The following KDM4C variants were observed in gnomAD, a reference collection of about 807,000 sequenced individuals.
The protein encoded by KDM4C is lysine demethylase 4C, also known as lysine-specific demethylase 4C.
KDM4C carries 81 observed loss-of-function variants against 129.3 expected under a neutral mutation model. That is an observed-to-expected ratio of 0.63 (90% CI 0.52 to 0.75). KDM4C has a LOEUF of 0.75. KDM4C is among the 30% of genes least tolerant of loss of function. KDM4C has a pLI of 0.00. For synonymous variants in KDM4C, 573 were observed against 456.1 expected, an observed-to-expected ratio of 1.26 and a Z score of -3.26; for missense variants, 1,457 against 1,304.0, an observed-to-expected ratio of 1.12 and a Z score of -1.81.
At chr9:7,118,661 A>C (rs759062448) in intron 18 of KDM4C, among the ~76,000 whole-genome samples, 11 of 152,220 alleles carry the variant, frequency 7.2e-5, no homozygotes, top group Non-Finnish European at 1.2e-4. Context: ...GTACAAATGG[A>C]AACCTGCTCT....
At chr9:6,771,719 T>C (rs1821882552) in intron 1 of KDM4C, among the ~76,000 whole-genome samples, 1 of 152,190 alleles carries the variant, frequency 6.6e-6, no homozygotes, top group African/African-American at 2.4e-5. Flanking sequence ...GATAATCTCA[T>C]AAAAGTCACA....
At chr9:6,920,134 A>G (rs1821207323) in intron 8 of KDM4C, among the ~76,000 whole-genome samples, 1 of 151,996 alleles carries the variant, frequency 6.6e-6, no homozygotes, top group African/African-American at 2.4e-5. Flanking sequence ...TTTATGGACA[A>G]TTTGGTGGGC....
chr9:6,990,199 G>T (rs1469134799), intron 11 of KDM4C, among the ~76,000 whole-genome samples: 1 of 152,234 alleles, frequency 6.6e-6, no homozygotes, highest in Non-Finnish European at 1.5e-5. Context: ...AGTGGAAGAA[G>T]AATTAATTGA....
intron 2 of KDM4C, among the ~76,000 whole-genome samples, chr9:6,798,665 C>T (rs1417036230): frequency 6.6e-6 from 1 of 152,202 alleles, no homozygotes; most frequent in Non-Finnish European, 1.5e-5. Context: ...AGCAACCATC[C>T]GATTTCTCAG....
intron 17 of KDM4C, among the ~76,000 whole-genome samples, chr9:7,059,654 T>A (rs1831341914): frequency 6.6e-6 from 1 of 152,202 alleles, no homozygotes; most frequent in South Asian, 2.1e-4. Flanking sequence ...CCACATAGTC[T>A]TCATATACTT....
intron 4 of KDM4C, among the ~76,000 whole-genome samples, chr9:6,836,386 A>G (rs145752480): frequency 3.0e-4 from 45 of 152,332 alleles, no homozygotes; most frequent in Non-Finnish European, 5.6e-4. Flanking sequence ...AAATAAATAA[A>G]TAAATCAGCT....
chr9:7,122,481 C>G (rs543792762), intron 18 of KDM4C, among the ~76,000 whole-genome samples: 1 of 152,100 alleles, frequency 6.6e-6, no homozygotes, highest in Non-Finnish European at 1.5e-5. Context: ...GAGCACTGCT[C>G]TAGACTACTT....
chr9:6,805,611 A>G lies in KDM4C; in HGVS notation c.157A>G (p.Lys53Glu), dbSNP rs1160750203. ...RAGLAKVIPP[K>E]EWKPRQCYDD... The stretch of plus-strand genomic sequence containing the variant: ...ATTTTATTTTTAGGTGATTCCTCCT[A>G]AGGAGTGGAAGCCAAGACAGTGCTA... Residue 53 changes from lysine to glutamate, a missense_variant, in exon 3 of 22, where the codon AAG (lysine) becomes GAG (glutamate). Coordinates refer to ENST00000381309, the MANE Select transcript of KDM4C (RefSeq NM_015061.6). 2 of 1,607,510 alleles carry G rather than the reference A, an allele frequency of 1.2e-6. No homozygotes were observed. The highest frequency in any genetic ancestry group is 2.2e-5 in the South Asian group (2 of 88,942).
rs933286831 is a variant in KDM4C at position 6,912,131 on chromosome 9, C to T, written c.921+18899C>T. Among the ~76,000 whole-genome samples, 8 of 152,254 alleles carry T rather than the reference C, an allele frequency of 5.3e-5. No homozygotes were observed. In the South Asian group the frequency reaches 1.5e-3, roughly 28 times the overall value. On this transcript the variant is annotated intron_variant, in intron 8 of 21. Transcript: ENST00000381309. ...AGGTGCAGGCAGAGCCAGGGAGGGG[C>T]CTTCATGGTGCCTTGCTGTTTCTGG...
intron 8 of KDM4C, among the ~76,000 whole-genome samples, chr9:6,895,776 A>G (rs1026964861): frequency 2.0e-5 from 3 of 152,216 alleles, no homozygotes; most frequent in Non-Finnish European, 4.4e-5. Context: ...GAATATTTTG[A>G]GTTATGTAAC....
At chr9:6,925,894 G>GT (rs1563824261) in intron 8 of KDM4C, among the ~76,000 whole-genome samples, 1 of 152,098 alleles carries the variant, frequency 6.6e-6, no homozygotes, top group African/African-American at 2.4e-5. Flanking sequence ...AAAAAATTCT[G>GT]TTTTTTATCT....
intron 2 of KDM4C, among the ~76,000 whole-genome samples, chr9:6,793,991 T>A (rs1457574220): frequency 1.3e-5 from 2 of 152,240 alleles, no homozygotes; most frequent in Non-Finnish European, 2.9e-5. Context: ...AACATTTTCA[T>A]CATCCCCCAA....
intron 8 of KDM4C, among the ~76,000 whole-genome samples, chr9:6,926,506 T>C (rs1364321210): frequency 2.0e-5 from 3 of 152,216 alleles, no homozygotes; most frequent in Non-Finnish European, 2.9e-5. Flanking sequence ...GATTGGCTTA[T>C]AGCAGCAAGC....
At chr9:6,739,198 G>A (rs1364128291) in intron 1 of KDM4C, among the ~76,000 whole-genome samples, 1 of 151,800 alleles carries the variant, frequency 6.6e-6, no homozygotes, top group Non-Finnish European at 1.5e-5. Context: ...TCAGCTTCCC[G>A]AGTAGCTGGG....
intron 4 of KDM4C, among the ~76,000 whole-genome samples, chr9:6,833,065 A>G (rs1371068887): frequency 1.3e-5 from 2 of 151,616 alleles, no homozygotes; most frequent in Non-Finnish European, 2.9e-5. Flanking sequence ...TGTGTTTTAA[A>G]TTTTTCATAT....
At chr9:7,018,055 A>G (rs1325515779) in intron 15 of KDM4C, among the ~76,000 whole-genome samples, 1 of 152,224 alleles carries the variant, frequency 6.6e-6, no homozygotes, top group African/African-American at 2.4e-5. Context: ...TGGTACAGGT[A>G]TGCATTACTT....
At chr9:6,846,181 G>A (rs918881217) in intron 4 of KDM4C, among the ~76,000 whole-genome samples, 3 of 152,184 alleles carry the variant, frequency 2.0e-5, no homozygotes, top group African/African-American at 7.2e-5. Flanking sequence ...GTTGTGTTTT[G>A]AAAGGATCAG....
intron 17 of KDM4C, among the ~76,000 whole-genome samples, chr9:7,084,611 C>T (rs570226631): frequency 4.6e-5 from 7 of 152,118 alleles, no homozygotes; most frequent in Non-Finnish European, 7.4e-5. Flanking sequence ...TTAAACAATC[C>T]GTCCATTTAG....
intron 12 of KDM4C, among the ~76,000 whole-genome samples, chr9:7,008,247 C>T (rs111486530): frequency 3.3e-5 from 5 of 152,262 alleles, no homozygotes; most frequent in African/African-American, 9.6e-5. Flanking sequence ...ACAGTCCCAC[C>T]GCCCTGGATT....
Sources: allele counts gnomAD v4.1 joint callset (sites outside exome capture counted in the v4.1 genomes callset), GRCh38; gene constraint gnomAD v4.1.1; transcripts MANE v1.5; gene names NCBI Gene and HGNC (gene_info 2026-07-23, HGNC 2026-07-21).